The following CHST11 variants were observed in gnomAD, a reference collection of about 807,000 sequenced individuals.
The protein encoded by CHST11 is C4S-1.
In CHST11, 9 loss-of-function variants were observed where a neutral mutation model predicts 30.4. That is an observed-to-expected ratio of 0.30 (90% CI 0.18 to 0.52). The LOEUF (loss-of-function observed/expected upper bound fraction) is 0.52. Among genes scored for constraint, CHST11 ranks in the 20% least tolerant of loss-of-function variants. CHST11 has a pLI of 0.97. For synonymous variants in CHST11, 152 were observed against 187.8 expected (o/e 0.81, Z 1.56); for missense variants, 348 against 460.6 (o/e 0.76, Z 2.24).
intron 2 of CHST11, among the ~76,000 whole-genome samples, chr12:104,628,991 G>T (rs923168430): frequency 2.0e-5 from 3 of 152,170 alleles, no homozygotes; most frequent in African/African-American, 7.2e-5. Flanking sequence ...GGACAAGCTG[G>T]GAGCCTCAGG....
intron 1 of CHST11, among the ~76,000 whole-genome samples, chr12:104,570,385 C>T (rs965237822): frequency 5.9e-5 from 9 of 152,172 alleles, no homozygotes; most frequent in African/African-American, 1.9e-4. Context: ...CTTCCACACT[C>T]CAGCAGATCC....
rs534685763 is a variant in CHST11, at chr12:104,727,943, G to A, written c.205-29006G>A. On this transcript the variant is annotated intron_variant, in intron 2 of 2. Transcript: ENST00000303694. ...AAGTTAAAAATCAGGCAGGCACAGG[G>A]GAGAGAGACGTGGATCCAGGCGTGG... 8.5e-5 allele frequency among the ~76,000 whole-genome samples: 13 copies of A among 152,284 alleles called. 1 individual carries two copies. Among genetic ancestry groups the A allele is most frequent in the African/African-American group, 2.4e-4 (10 of 41,570 alleles).
chr12:104,646,098 G>A (rs1028212041), intron 2 of CHST11, among the ~76,000 whole-genome samples: 2 of 152,198 alleles, frequency 1.3e-5, no homozygotes, highest in Non-Finnish European at 2.9e-5. Context: ...CCAGGTAATG[G>A]CTCCCATGCT....
intron 2 of CHST11, among the ~76,000 whole-genome samples, chr12:104,617,350 G>A (rs2039118401): frequency 6.6e-6 from 1 of 152,134 alleles, no homozygotes; most frequent in East Asian, 1.9e-4. Context: ...AGGCAACCTA[G>A]GCTCTCCATG....
At chr12:104,755,959 A>C (rs559695002) in intron 2 of CHST11, among the ~76,000 whole-genome samples, 1 of 152,190 alleles carries the variant, frequency 6.6e-6, no homozygotes, top group African/African-American at 2.4e-5. Context: ...TCAGGCTGGA[A>C]AAGTAGGTTG....
intron 2 of CHST11, among the ~76,000 whole-genome samples, chr12:104,680,225 C>A (rs774429703): frequency 1.3e-5 from 2 of 152,230 alleles, no homozygotes; most frequent in Non-Finnish European, 2.9e-5. Context: ...GTAGTAATAG[C>A]ATGAGTGAGC....
At chr12:104,623,304 G>A (rs1274849764) in intron 2 of CHST11, among the ~76,000 whole-genome samples, 1 of 152,238 alleles carries the variant, frequency 6.6e-6, no homozygotes, top group African/African-American at 2.4e-5. Context: ...CCTCCCTCAA[G>A]AGCTGGTGAG....
chr12:104,568,906 C>T (rs2038596692), intron 1 of CHST11, among the ~76,000 whole-genome samples: 1 of 152,244 alleles, frequency 6.6e-6, no homozygotes, highest in East Asian at 1.9e-4. Context: ...AAAAGTAGGT[C>T]ATTAGCTCTT....
intron 1 of CHST11, among the ~76,000 whole-genome samples, chr12:104,590,518 AG>A (rs1360666636): frequency 1.8e-4 from 28 of 152,240 alleles, no homozygotes; most frequent in African/African-American, 6.8e-4. Flanking sequence ...GTGATAGACA[AG>A]ACAGTCCAAG....
intron 2 of CHST11, among the ~76,000 whole-genome samples, chr12:104,691,118 C>T (rs961190084): frequency 6.6e-6 from 1 of 152,164 alleles, no homozygotes; most frequent in Non-Finnish European, 1.5e-5. Flanking sequence ...GTCCTGTCCT[C>T]GAAGAACAGA....
chr12:104,633,337 A>G (rs1324405015), intron 2 of CHST11, among the ~76,000 whole-genome samples: 1 of 150,628 alleles, frequency 6.6e-6, no homozygotes, highest in Non-Finnish European at 1.5e-5. Context: ...TGATCAAATG[A>G]TTTTAAATTA....
intron 2 of CHST11, among the ~76,000 whole-genome samples, chr12:104,715,540 C>T (rs2136123117): frequency 6.6e-6 from 1 of 152,278 alleles, no homozygotes; most frequent in East Asian, 1.9e-4. Flanking sequence ...TACGGAGGTA[C>T]TATTATAAGT....
intron 2 of CHST11, among the ~76,000 whole-genome samples, chr12:104,635,999 A>G (rs1270577249): frequency 6.6e-6 from 1 of 152,226 alleles, no homozygotes; most frequent in African/African-American, 2.4e-5. Flanking sequence ...ATTTAATACT[A>G]TTATAATTAA....
At chr12:104,720,936 CG>C (rs1352269264) in intron 2 of CHST11, among the ~76,000 whole-genome samples, 2 of 152,116 alleles carry the variant, frequency 1.3e-5, no homozygotes, top group African/African-American at 4.8e-5. Flanking sequence ...GTTGAGAGGT[CG>C]TGGATGTAGG....
intron 1 of CHST11, among the ~76,000 whole-genome samples, chr12:104,513,139 T>TGGGGGGGGGGGGGGGGGGGGGGGGGG (rs1565969846): frequency 1.0e-3 from 3 of 2,932 alleles, no homozygotes; most frequent in African/African-American, 3.0e-3. Context: ...GGGGGGGGGT[T>TGGGGGGGGGGGGGGGGGGGGGGGGGG]GGGGGTGGGG....
At chr12:104,498,434 G>A (rs562498115) in intron 1 of CHST11, among the ~76,000 whole-genome samples, 72 of 152,270 alleles carry the variant, frequency 4.7e-4, no homozygotes, top group South Asian at 1.9e-3. Flanking sequence ...AGATAGGATC[G>A]GAAGTGACTA....
At chr12:104,658,801 T>G (rs1029335746) in intron 2 of CHST11, among the ~76,000 whole-genome samples, 5 of 152,248 alleles carry the variant, frequency 3.3e-5, no homozygotes, top group Non-Finnish European at 4.4e-5. Flanking sequence ...AGGCATTTTA[T>G]TTTTATTAAC....
chr12:104,544,125 TAAAAAAAAAAAA>T (rs60776273), intron 1 of CHST11, among the ~76,000 whole-genome samples: 5 of 97,386 alleles, frequency 5.1e-5, no homozygotes, highest in African/African-American at 2.2e-4. Context: ...CCCTGTCTGT[TAAAAAAAAAAAA>T]AAAAGAAAGA....
Position 104,499,560 on chromosome 12 carries a change from G to T in CHST11, c.118+42031G>T, listed in dbSNP as rs79938530. Among the ~76,000 whole-genome samples the T allele has an allele frequency of 0.01, 1,550 of 152,300 alleles. 41 individuals carry two copies. The East Asian group carries it at 0.12, about 12-fold the overall frequency. On this transcript the variant is annotated intron_variant, in intron 1 of 2. Coordinates refer to ENST00000303694, the MANE Select transcript of CHST11 (RefSeq NM_018413.6). ...ATTAAAGGGGAGACCTGGAGAAAAT[G>T]TGCTTTGATAAATAGATACAAATTC...
Sources: gnomAD v4.1 joint callset for allele counts (sites outside exome capture counted in the v4.1 genomes callset) on GRCh38, gnomAD v4.1.1 for gene constraint, MANE v1.5 for transcripts, NCBI Gene and HGNC (gene_info 2026-07-23, HGNC 2026-07-21) for gene names.